Variants in WDFY4 observed in about 807,000 individuals in gnomAD.
WDFY4 encodes WD repeat- and FYVE domain-containing protein 4.
Under a neutral mutation model 351.9 loss-of-function variants are expected in WDFY4, and 169 were observed. That is an observed-to-expected ratio of 0.48 (90% CI 0.42 to 0.55). The LOEUF (loss-of-function observed/expected upper bound fraction) is 0.55. Ranked by LOEUF, WDFY4 falls within the 20% of genes least tolerant of loss-of-function variation. The probability of loss-of-function intolerance (pLI) is 0.00; values close to 1 mark genes in which losing one functional copy is unlikely to be tolerated. For synonymous variants in WDFY4, 1,622 were observed against 1,574.6 expected (o/e 1.03, Z -0.71); for missense variants, 3,803 against 3,935.6 (o/e 0.97, Z 0.90).
chr10:48,775,813 A>C lies in WDFY4; in HGVS notation c.2863+7A>C. ...GGCAACCCTGGGTGCTCAGGTGAGG[A>C]CAGTGGCAAGAACGGGGCAGGTTAA... On this transcript the variant is annotated splice_region_variant and intron_variant, in intron 15 of 61. Transcript: ENST00000325239. 1 of 1,550,638 alleles carries C rather than the reference A, an allele frequency of 6.4e-7. No homozygotes were observed. The highest frequency in any genetic ancestry group is 8.7e-7 in the Non-Finnish European group (1 of 1,145,980).
intron 47 of WDFY4, among the ~76,000 whole-genome samples, chr10:48,939,655 A>G (rs1840646146): frequency 6.6e-6 from 1 of 152,246 alleles, no homozygotes; most frequent in African/African-American, 2.4e-5. Context: ...ACCAGTTACC[A>G]ACAAAATTCA....
intron 49 of WDFY4, 65 bp from the exon 50 acceptor site, chr10:48,945,975 G>C: frequency 1.8e-6 from 2 of 1,087,244 alleles, no homozygotes; most frequent in Non-Finnish European, 2.6e-6. Flanking sequence ...TAAAACTCAA[G>C]AGCGTGGCTC....
chr10:48,891,165 G>C (rs1191402904), intron 44 of WDFY4, among the ~76,000 whole-genome samples: 1 of 152,240 alleles, frequency 6.6e-6, no homozygotes, highest in Non-Finnish European at 1.5e-5. Context: ...CTATGGTCGT[G>C]GGACAAAATC....
At chr10:48,719,381 G>A (rs534188988) in intron 2 of WDFY4, among the ~76,000 whole-genome samples, 21 of 152,318 alleles carry the variant, frequency 1.4e-4, no homozygotes, top group Non-Finnish European at 2.8e-4. Flanking sequence ...AAGGATGAGA[G>A]AGCACAGCGA....
Position 48,801,469 on chromosome 10 carries a change from A to G in WDFY4, c.4411-1817A>G, listed in dbSNP as rs552466772. The G allele has an allele frequency of 1.8e-4, 83 of 455,266 alleles. 1 individual carries two copies. The highest frequency in any genetic ancestry group is 1.6e-3 in the African/African-American group (79 of 50,148). 28.2% of individuals were successfully genotyped at this position (455,266 alleles called of 1,614,324 possible). ...GTTGAATGACTGCCTTCATGAATCA[A>G]TATCCTAAGTGTGCAGGGCTCTTGG... On this transcript the variant is annotated intron_variant, in intron 24 of 61. Transcript: ENST00000325239.
intron 1 of WDFY4, among the ~76,000 whole-genome samples, chr10:48,699,016 C>T (rs977020597): frequency 6.6e-6 from 1 of 152,186 alleles, no homozygotes; most frequent in Non-Finnish European, 1.5e-5. Flanking sequence ...ACCTAGCCGG[C>T]CCGTGCAGCC....
chr10:48,805,506 G>C, intron 26 of WDFY4, 85 bp downstream of exon 26: 2 of 1,467,488 alleles, frequency 1.4e-6, no homozygotes, highest in Non-Finnish European at 1.8e-6. Context: ...TCTCCCCATT[G>C]TGCTCAACCC....
intron 12 of WDFY4, among the ~76,000 whole-genome samples, chr10:48,746,624 A>T (rs966275090): frequency 1.4e-5 from 2 of 145,258 alleles, no homozygotes; most frequent in East Asian, 2.0e-4. Flanking sequence ...GTTCCACTTT[A>T]AAAAAAAACA....
chr10:48,975,982 T>A (rs1029617087), intron 58 of WDFY4, among the ~76,000 whole-genome samples: 3 of 152,240 alleles, frequency 2.0e-5, no homozygotes, highest in African/African-American at 4.8e-5. Flanking sequence ...TCAGGAATTG[T>A]GTCCCTAGAC....
rs754372457 is a variant in WDFY4 at position 48,726,009 on chromosome 10, C to T, written c.720C>T (p.Thr240=). 31 of 1,551,556 alleles carry T rather than the reference C, an allele frequency of 2.0e-5. No individual in the cohort carries two copies. In the South Asian group the frequency reaches 3.3e-4, roughly 17 times the overall value. Residue 240 remains threonine, a synonymous_variant, in exon 6 of 62, where the codon ACC becomes ACT. Transcript: ENST00000325239. ...GCTGCTGCTTCTGGAAGGAACCCAC[C>T]TTCTGCGTGCTAAGGGCAATCTCCA... ...EHSCCFWKEP[T]FCVLRAISKA...
chr10:48,730,238 G>A (rs1306756906), intron 8 of WDFY4, among the ~76,000 whole-genome samples: 3 of 152,238 alleles, frequency 2.0e-5, no homozygotes, highest in Non-Finnish European at 4.4e-5. Context: ...GACAGTCTGG[G>A]GAATAAATGG....
Position 48,805,430 on chromosome 10 carries a change from C to A in WDFY4, c.4646+9C>A. On this transcript the variant is annotated intron_variant, in intron 26 of 61. Coordinates refer to ENST00000325239, the MANE Select transcript of WDFY4 (RefSeq NM_001394531.1). The stretch of plus-strand genomic sequence containing the variant: ...ACCCAGGACTTGCTCAGGTACCACA[C>A]CAAGCTGCCCAGGGGGAAGAGCAGG... The A allele has an allele frequency of 1.3e-6, 2 of 1,546,724 alleles. No homozygotes were observed. Among genetic ancestry groups the A allele is most frequent in the Non-Finnish European group, 8.7e-7 (1 of 1,146,914 alleles).
intron 39 of WDFY4, among the ~76,000 whole-genome samples, chr10:48,858,714 T>C (rs1440100021): frequency 1.3e-5 from 2 of 152,182 alleles, no homozygotes; most frequent in African/African-American, 2.4e-5. Context: ...GACACCAGTT[T>C]TGGAAACTCG....
At chr10:48,829,966 G>A (rs114459309) in intron 37 of WDFY4, among the ~76,000 whole-genome samples, 2 of 152,204 alleles carry the variant, frequency 1.3e-5, no homozygotes, top group African/African-American at 4.8e-5. Flanking sequence ...CAACACAGAG[G>A]TACATACTTT....
chr10:48,879,318 G>A (rs1484149883), intron 43 of WDFY4, among the ~76,000 whole-genome samples: 6 of 152,168 alleles, frequency 3.9e-5, no homozygotes, highest in Admixed American at 1.3e-4. Context: ...CAGAGGCCAG[G>A]GCTACTGCTG....
At chr10:48,702,554 T>C (rs116999148) in intron 1 of WDFY4, among the ~76,000 whole-genome samples, 3,566 of 152,162 alleles carry the variant, frequency 0.023, 82 homozygotes, top group South Asian at 0.085. Context: ...GTGCTGTGGG[T>C]GTTAGCCGTG....
chr10:48,775,364 G>A (rs1354225811), intron 14 of WDFY4, among the ~76,000 whole-genome samples: 1 of 152,228 alleles, frequency 6.6e-6, no homozygotes, highest in African/African-American at 2.4e-5. Context: ...CCAGCCAGCA[G>A]ACATGGGACC....
chr10:48,821,978 G>A (rs10857650), intron 34 of WDFY4, among the ~76,000 whole-genome samples: 35,168 of 152,108 alleles, frequency 0.23, 5,023 homozygotes, highest in East Asian at 0.71. Flanking sequence ...ACATGGCTGA[G>A]CACAGTACCT....
chr10:48,948,528 C>T (rs1277077420), intron 51 of WDFY4, among the ~76,000 whole-genome samples: 1 of 152,206 alleles, frequency 6.6e-6, no homozygotes, highest in Non-Finnish European at 1.5e-5. Flanking sequence ...CCAGCTCTAC[C>T]TGTTGCTAAG....
Sources: allele counts gnomAD v4.1 joint callset (sites outside exome capture counted in the v4.1 genomes callset), GRCh38; gene constraint gnomAD v4.1.1; transcripts MANE v1.5; gene names NCBI Gene and HGNC (gene_info 2026-07-23, HGNC 2026-07-21).